The following RBFOX1 variants were observed in gnomAD, a reference collection of about 807,000 sequenced individuals.
RBFOX1 encodes RNA binding protein fox-1 homolog 1.
RBFOX1 carries 8 observed loss-of-function variants against 57.7 expected under a neutral mutation model. That is an observed-to-expected ratio of 0.14 (90% CI 0.08 to 0.25). The LOEUF (loss-of-function observed/expected upper bound fraction) is 0.25, where lower values mean the gene tolerates loss of function less well. Ranked by LOEUF, RBFOX1 falls within the 10% of genes least tolerant of loss-of-function variation. The pLI is 1.00. For missense variants in RBFOX1, 611 were observed against 548.5 expected (o/e 1.11, Z -1.14); for synonymous variants, 326 against 222.4 (o/e 1.47, Z -4.15).
intron 7 of RBFOX1, among the ~76,000 whole-genome samples, chr16:7,587,690 T>C (rs955857852): frequency 6.6e-6 from 1 of 152,226 alleles, no homozygotes; most frequent in African/African-American, 2.4e-5. Flanking sequence ...TTTTCCTGGG[T>C]TGTAGGGGAG....
At chr16:7,535,975 A>G (rs1222494870) in intron 5 of RBFOX1, among the ~76,000 whole-genome samples, 1 of 152,210 alleles carries the variant, frequency 6.6e-6, no homozygotes, top group Non-Finnish European at 1.5e-5. Context: ...AAGAGTGAAT[A>G]AGACAGACAT....
At chr16:6,803,999 A>G (rs2086109664) in intron 3 of RBFOX1, among the ~76,000 whole-genome samples, 1 of 151,772 alleles carries the variant, frequency 6.6e-6, no homozygotes, top group African/African-American at 2.4e-5. Context: ...TATAGTACAT[A>G]AAACTCATAC....
rs904968606 is a variant in RBFOX1, at chr16:5,568,109, T to G, written c.259-30793T>G. 6.2e-4 allele frequency among the ~76,000 whole-genome samples: 95 copies of G among 152,342 alleles called. 1 individual carries two copies. The highest frequency in any genetic ancestry group is 3.4e-3 in the Middle Eastern group (1 of 294). The stretch of plus-strand genomic sequence containing the variant: ...TAGCTCACAAACCTTCGCTGGCTAC[T>G]CACTGCTAAACAATGAGATCTGAAG... On this transcript the variant is annotated intron_variant, in intron 2 of 2. Transcript: ENST00000585867.
At chr16:7,332,980 G>C in intron 4 of RBFOX1, 1 of 1,613,172 alleles carries the variant, frequency 6.2e-7, no homozygotes, top group Non-Finnish European at 8.5e-7. Flanking sequence ...GCTTCAGAGG[G>C]AATAATAACT....
At chr16:5,747,380 A>C (rs2053027940) in intron 3 of RBFOX1, among the ~76,000 whole-genome samples, 1 of 152,220 alleles carries the variant, frequency 6.6e-6, no homozygotes, top group Non-Finnish European at 1.5e-5. Flanking sequence ...CTTTGGTATC[A>C]GGATGACGCT....
At chr16:7,550,758 C>T (rs533483269) in intron 5 of RBFOX1, among the ~76,000 whole-genome samples, 20 of 152,124 alleles carry the variant, frequency 1.3e-4, no homozygotes, top group Admixed American at 3.9e-4. Flanking sequence ...TTTAAAAATC[C>T]TCAGTATCCA....
At chr16:7,038,343 A>T (rs1324452493) in intron 3 of RBFOX1, among the ~76,000 whole-genome samples, 1 of 152,116 alleles carries the variant, frequency 6.6e-6, no homozygotes, top group African/African-American at 2.4e-5. Flanking sequence ...ATCATGAGGG[A>T]AAGAAATGGT....
intron 4 of RBFOX1, among the ~76,000 whole-genome samples, chr16:7,189,503 C>A (rs142559934): frequency 6.8e-6 from 1 of 147,184 alleles, no homozygotes; most frequent in Non-Finnish European, 1.5e-5. Context: ...TTCAGGTATT[C>A]TCTCCAGTTT....
At chr16:6,216,692 C>T (rs1271110351) in intron 1 of RBFOX1, among the ~76,000 whole-genome samples, 3 of 152,062 alleles carry the variant, frequency 2.0e-5, no homozygotes, top group Non-Finnish European at 4.4e-5. Flanking sequence ...GACAGATATC[C>T]CCTTCTAGCT....
intron 4 of RBFOX1, among the ~76,000 whole-genome samples, chr16:7,361,092 T>C (rs1307315570): frequency 2.0e-5 from 3 of 152,148 alleles, no homozygotes; most frequent in Admixed American, 6.5e-5. Flanking sequence ...TCTTGGCCAT[T>C]GTTGAAGACC....
intron 4 of RBFOX1, among the ~76,000 whole-genome samples, chr16:5,943,294 G>T (rs1331227352): frequency 6.6e-6 from 1 of 152,150 alleles, no homozygotes; most frequent in East Asian, 1.9e-4. Flanking sequence ...ATGTAGTCCA[G>T]GAATCCACAG....
At chr16:6,611,037 A>T (rs1218604750) in intron 2 of RBFOX1, among the ~76,000 whole-genome samples, 9 of 152,208 alleles carry the variant, frequency 5.9e-5, no homozygotes. Context: ...AGTGTATGTT[A>T]TTGTGGAAAT....
intron 2 of RBFOX1, among the ~76,000 whole-genome samples, chr16:6,413,323 A>C (rs2093524533): frequency 7.0e-6 from 1 of 143,172 alleles, no homozygotes; most frequent in South Asian, 2.2e-4. Context: ...ACATCTCAAA[A>C]AAAAAAAAAA....
chr16:6,534,766 A>G lies in RBFOX1; in HGVS notation c.-63-119837A>G, dbSNP rs893470818. Among the ~76,000 whole-genome samples, 8 of 152,158 alleles carry G rather than the reference A, an allele frequency of 5.3e-5. No homozygotes were observed. In the East Asian group the frequency reaches 7.7e-4, roughly 15 times the overall value. On this transcript the variant is annotated intron_variant, in intron 2 of 15. Transcript: ENST00000550418. ...AATTTTCTAAGGAGATGGCATTTCT[A>G]TGCACTTTGACTGGGGTACTGGTTC...
rs567713398 is a variant in RBFOX1 at position 5,415,062 on chromosome 16, G to T, written c.220-52154G>T. On this transcript the variant is annotated intron_variant, in intron 1 of 2. Coordinates refer to the RBFOX1 transcript ENST00000585867. ...GTTTATCATTCCCATTTTACAGATG[G>T]GTGAACTGAAGATCAGACATTTGAG... 4.6e-5 allele frequency among the ~76,000 whole-genome samples: 7 copies of T among 152,208 alleles called. No individual in the cohort carries two copies. The East Asian group carries it at 1.4e-3, about 29-fold the overall frequency.
At chr16:6,000,106 C>T (rs976106841) in intron 4 of RBFOX1, among the ~76,000 whole-genome samples, 1 of 151,910 alleles carries the variant, frequency 6.6e-6, no homozygotes. Flanking sequence ...AAGGCCTTAC[C>T]TCCTCCTATT....
chr16:6,801,405 G>C (rs2085413136), intron 3 of RBFOX1, among the ~76,000 whole-genome samples: 1 of 152,074 alleles, frequency 6.6e-6, no homozygotes. Flanking sequence ...CCTTTCCCTT[G>C]GGAACTGCTC....
At position 5,339,083 on chromosome 16, in the gene RBFOX1, C is replaced by T. The variant is rs182279811; in HGVS notation, c.219+98978C>T. Among the ~76,000 whole-genome samples, 857 of 152,076 alleles carry T rather than the reference C, an allele frequency of 5.6e-3. 24 individuals carry two copies. The highest frequency in any genetic ancestry group is 0.053 in the Admixed American group (810 of 15,264). On this transcript the variant is annotated intron_variant, in intron 1 of 2. Coordinates refer to the RBFOX1 transcript ENST00000585867. ...ATTATCTTATTAACTACAGTTACCA[C>T]GATGTACAGTAGATCTCTTGAACTC...
rs35693712 is a variant in RBFOX1, at chr16:7,650,313, C to CTT, written c.758-3487_758-3486dup. Among the ~76,000 whole-genome samples the CTT allele has an allele frequency of 7.9e-3, 1,092 of 138,892 alleles. 6 individuals carry two copies. The highest frequency in any genetic ancestry group is 0.019 in the African/African-American group (733 of 37,664). The allele number at this position is 138,892 out of a possible 152,430, so 91.1% of individuals were successfully genotyped here. On this transcript the variant is annotated intron_variant, in intron 11 of 15. Transcript: ENST00000550418. ...CCCAAAGCATGACCTGTGGAACTCT[C>CTT]TTTTTTTTTTTTTTTTGGCCAAGGG...
Sources: gnomAD v4.1 joint callset for allele counts (sites outside exome capture counted in the v4.1 genomes callset) on GRCh38, gnomAD v4.1.1 for gene constraint, MANE v1.5 for transcripts, NCBI Gene and HGNC (gene_info 2026-07-23, HGNC 2026-07-21) for gene names.